The following PCDH15 variants were observed in gnomAD, a reference collection of about 807,000 sequenced individuals.
PCDH15 encodes protocadherin-15.
PCDH15 carries 129 observed loss-of-function variants against 178.5 expected under a neutral mutation model. That is an observed-to-expected ratio of 0.72 (90% CI 0.63 to 0.84). The LOEUF (loss-of-function observed/expected upper bound fraction) is 0.84. Ranked by LOEUF, PCDH15 falls within the 40% of genes least tolerant of loss-of-function variation. The probability of loss-of-function intolerance (pLI) is 0.00; values close to 1 mark genes in which losing one functional copy is unlikely to be tolerated. For missense variants in PCDH15, 2,230 were observed against 2,099.9 expected (o/e 1.06, Z -1.21); for synonymous variants, 800 against 732.0 (o/e 1.09, Z -1.50).
intron 25 of PCDH15, among the ~76,000 whole-genome samples, chr10:53,936,368 T>G (rs2085574045): frequency 6.6e-6 from 1 of 152,152 alleles, no homozygotes; most frequent in South Asian, 2.1e-4. Context: ...TCATGATATT[T>G]TAATTGTTTT....
intron 3 of PCDH15, among the ~76,000 whole-genome samples, chr10:54,881,924 C>T (rs1040647842): frequency 3.9e-5 from 6 of 151,968 alleles, no homozygotes; most frequent in African/African-American, 7.2e-5. Context: ...TTATATACAG[C>T]GCAGTAGTAA....
At chr10:54,613,229 AAC>A (rs2093020060) in intron 2 of PCDH15, among the ~76,000 whole-genome samples, 1 of 151,856 alleles carries the variant, frequency 6.6e-6, no homozygotes, top group Admixed American at 6.6e-5. Context: ...ATGCCTTAGA[AAC>A]ACAGCAATGC....
chr10:54,287,901 C>T (rs184305977), intron 8 of PCDH15, among the ~76,000 whole-genome samples: 56 of 152,180 alleles, frequency 3.7e-4, no homozygotes, highest in African/African-American at 5.3e-4. Flanking sequence ...GGACTCTGGA[C>T]GCTAGATAAA....
At chr10:54,143,789 A>T (rs1193791846) in intron 14 of PCDH15, among the ~76,000 whole-genome samples, 1 of 152,022 alleles carries the variant, frequency 6.6e-6, no homozygotes, top group Non-Finnish European at 1.5e-5. Context: ...CTTGAGGCAT[A>T]TTTTTTCTCT....
intron 1 of PCDH15, among the ~76,000 whole-genome samples, chr10:55,196,142 C>G (rs1840087600): frequency 6.6e-6 from 1 of 151,896 alleles, no homozygotes; most frequent in Non-Finnish European, 1.5e-5. Flanking sequence ...CTTAATTTTC[C>G]TCACCTCTGC....
At chr10:54,601,108 C>T (rs941005732) in intron 2 of PCDH15, among the ~76,000 whole-genome samples, 4 of 151,986 alleles carry the variant, frequency 2.6e-5, no homozygotes, top group African/African-American at 9.7e-5. Context: ...GGACAGTTTG[C>T]AATCTTATGT....
chr10:54,347,088 TAATATGTGTGGCATACAAAACCATG>T (rs2134185757), intron 5 of PCDH15, among the ~76,000 whole-genome samples: 1 of 152,232 alleles, frequency 6.6e-6, no homozygotes, highest in East Asian at 1.9e-4. Context: ...CATCAGAACT[TAATATGTGTGGCATACAAAACCATG>T]ATTTGATGTG....
At chr10:54,604,949 T>C (rs1435350520) in intron 2 of PCDH15, among the ~76,000 whole-genome samples, 1 of 151,788 alleles carries the variant, frequency 6.6e-6, no homozygotes, top group Admixed American at 6.6e-5. Context: ...CTATGGCTAT[T>C]TTCTGTGTGA....
intron 34 of PCDH15, among the ~76,000 whole-genome samples, 194 bp downstream of exon 34, chr10:53,817,801 T>C (rs1341235998): frequency 1.3e-5 from 2 of 152,102 alleles, no homozygotes; most frequent in South Asian, 2.1e-4. Context: ...TCTTTGACCA[T>C]TGAATAAGAG....
intron 15 of PCDH15, 95 bp from the exon 16 acceptor site, chr10:54,090,158 T>G: frequency 1.1e-6 from 1 of 929,864 alleles, no homozygotes; most frequent in Admixed American, 1.8e-5. Flanking sequence ...TAGCACAGAA[T>G]GTCCATGACA....
chr10:55,390,244 C>T (rs529121942), intron 2 of PCDH15, among the ~76,000 whole-genome samples: 2 of 151,990 alleles, frequency 1.3e-5, no homozygotes, highest in African/African-American at 4.8e-5. Flanking sequence ...AAAAATACAT[C>T]TTTGCAAAAA....
chr10:55,343,297 A>C (rs1844652672), intron 2 of PCDH15, among the ~76,000 whole-genome samples: 1 of 152,142 alleles, frequency 6.6e-6, no homozygotes, highest in Admixed American at 6.6e-5. Flanking sequence ...AAACAGAGAT[A>C]TATGTATGCT....
At chr10:55,575,038 C>G (rs767424995) in intron 2 of PCDH15, among the ~76,000 whole-genome samples, 3 of 152,010 alleles carry the variant, frequency 2.0e-5, no homozygotes, top group Admixed American at 1.3e-4. Context: ...CAACTCAGAG[C>G]TTTTACTCAC....
At chr10:54,364,965 A>G (rs1233966666) in intron 5 of PCDH15, among the ~76,000 whole-genome samples, 1 of 152,068 alleles carries the variant, frequency 6.6e-6, no homozygotes, top group Non-Finnish European at 1.5e-5. Context: ...AATAGTGGCT[A>G]AGTCCTTCTA....
At chr10:55,421,689 A>C (rs907884272) in intron 2 of PCDH15, among the ~76,000 whole-genome samples, 2 of 151,518 alleles carry the variant, frequency 1.3e-5, no homozygotes, top group Non-Finnish European at 3.0e-5. Flanking sequence ...TCATTCTAAG[A>C]AGTTTAAAAA....
intron 15 of PCDH15, among the ~76,000 whole-genome samples, chr10:54,101,462 A>G (rs192772098): frequency 3.7e-4 from 56 of 152,366 alleles, no homozygotes; most frequent in African/African-American, 1.3e-3. Flanking sequence ...ACAATTCACA[A>G]CTAATACTTA....
intron 2 of PCDH15, among the ~76,000 whole-genome samples, chr10:54,958,207 T>A (rs979636603): frequency 2.6e-5 from 4 of 151,494 alleles, no homozygotes; most frequent in African/African-American, 9.7e-5. Context: ...TCCATGTATA[T>A]GTGAAGTACA....
chr10:55,275,350 A>G (rs1425525171), intron 1 of PCDH15, among the ~76,000 whole-genome samples: 3 of 151,940 alleles, frequency 2.0e-5, no homozygotes, highest in African/African-American at 4.8e-5. Flanking sequence ...GAATTTATCA[A>G]TTGCTCCAGG....
At chr10:54,985,214 A>G (rs1839332554) in intron 2 of PCDH15, among the ~76,000 whole-genome samples, 1 of 152,190 alleles carries the variant, frequency 6.6e-6, no homozygotes, top group African/African-American at 2.4e-5. Flanking sequence ...TAGGTATATT[A>G]TGGTATCTAT....
Sources: allele counts gnomAD v4.1 joint callset (sites outside exome capture counted in the v4.1 genomes callset), GRCh38; gene constraint gnomAD v4.1.1; transcripts MANE v1.5; gene names NCBI Gene and HGNC (gene_info 2026-07-23, HGNC 2026-07-21).